TBC1D32: variants seen among roughly 807,000 people sequenced by gnomAD.
The protein encoded by TBC1D32 is TBC1 domain family member 32.
TBC1D32 carries 151 observed loss-of-function variants against 170.3 expected under a neutral mutation model. The observed-to-expected ratio is 0.89, with a 90% CI of 0.78 to 1.01. The LOEUF (loss-of-function observed/expected upper bound fraction) is 1.01, where lower values mean the gene tolerates loss of function less well. Among genes scored for constraint, TBC1D32 ranks in the 50% least tolerant of loss-of-function variants. The pLI, the probability that TBC1D32 is intolerant of heterozygous loss-of-function variation, is 0.00. For missense variants in TBC1D32, 1,464 were observed against 1,457.1 expected, an observed-to-expected ratio of 1.00 and a Z score of -0.08; for synonymous variants, 498 against 488.0, an observed-to-expected ratio of 1.02 and a Z score of -0.27.
At chr6:121,313,764 A>C (rs1808567049) in intron 3 of TBC1D32, among the ~76,000 whole-genome samples, 1 of 152,166 alleles carries the variant, frequency 6.6e-6, no homozygotes, top group African/African-American at 2.4e-5. Context: ...GCTGGGATGT[A>C]GCTAATCCTA....
intron 29 of TBC1D32, among the ~76,000 whole-genome samples, chr6:121,108,025 C>T (rs1778853127): frequency 6.6e-6 from 1 of 152,078 alleles, no homozygotes; most frequent in Non-Finnish European, 1.5e-5. Context: ...CCAAGCCTTG[C>T]ATAGAATAGA....
At chr6:121,123,433 T>C (rs1363909744) in intron 26 of TBC1D32, among the ~76,000 whole-genome samples, 1 of 152,110 alleles carries the variant, frequency 6.6e-6, no homozygotes, top group African/African-American at 2.4e-5. Flanking sequence ...GGTGCATGTA[T>C]ATTTATTACT....
At chr6:121,174,309 T>C (rs2128259125) in intron 22 of TBC1D32, among the ~76,000 whole-genome samples, 1 of 152,188 alleles carries the variant, frequency 6.6e-6, no homozygotes, top group Non-Finnish European at 1.5e-5. Flanking sequence ...ACTGAAATAA[T>C]CTAACATGAT....
intron 24 of TBC1D32, among the ~76,000 whole-genome samples, chr6:121,151,774 T>C (rs1784244028): frequency 6.6e-6 from 1 of 152,242 alleles, no homozygotes; most frequent in African/African-American, 2.4e-5. Flanking sequence ...ATTGTCTTTT[T>C]TGATCTTTGT....
chr6:121,245,744 C>G (rs534935411), intron 17 of TBC1D32, among the ~76,000 whole-genome samples: 1 of 152,132 alleles, frequency 6.6e-6, no homozygotes, highest in South Asian at 2.1e-4. Context: ...CTCCCCCCAT[C>G]CCCAGATTCA....
At chr6:121,126,511 T>A in intron 25 of TBC1D32, 50 bp from the exon 26 acceptor site, 1 of 1,315,216 alleles carries the variant, frequency 7.6e-7, no homozygotes, top group Non-Finnish European at 1.1e-6. Flanking sequence ...GAATAATATG[T>A]GACAATGCAT....
chr6:121,240,959 T>C (rs967338836), intron 19 of TBC1D32, among the ~76,000 whole-genome samples: 1 of 151,828 alleles, frequency 6.6e-6, no homozygotes, highest in Non-Finnish European at 1.5e-5. Context: ...GAAGAATATG[T>C]ACTTAACTGT....
At position 121,308,036 on chromosome 6, in the gene TBC1D32, A is replaced by G. The variant is rs199630893; in HGVS notation, c.630T>C (p.Asn210=). ...TCAGTTTTTCGCAGAGAGTAGTCCAATTTTCACAGTTGAGGACATCAGATG... is the reference window on the plus strand; with the variant it reads ...TCAGTTTTTCGCAGAGAGTAGTCCAGTTTTCACAGTTGAGGACATCAGATG... ...APPSDVLNCE[N]WTTLCEKLTV... Residue 210 remains asparagine, a synonymous_variant, in exon 5 of 32, where the codon AAT becomes AAC. Coordinates refer to ENST00000398212, the MANE Select transcript of TBC1D32 (RefSeq NM_152730.6). 6.0e-4 allele frequency: 961 copies of G among 1,613,850 alleles called. 18 individuals are homozygous for G. In the South Asian group the frequency reaches 9.4e-3, roughly 16 times the overall value.
Position 121,321,678 on chromosome 6 carries a change from T to G in TBC1D32, c.272A>C (p.Asp91Ala). The G allele has an allele frequency of 6.2e-7, 1 of 1,614,048 alleles. No individual in the cohort carries two copies. The change falls in exon 2 of 32, where the codon GAT becomes GCT. Residue 91 changes from aspartate to alanine, a missense_variant. Physicochemically the swap from Asp to Ala is moderately radical, Grantham distance 126. Around this residue, in one of 3 missense-constraint regions of TBC1D32, gnomAD observed 1,363 missense variants for 1,338.1 expected, o/e 1.02. Transcript: ENST00000398212. ...TTTAGTGACCTGCTGTACAACTGTA[T>G]CATAGCCGCATTCTTCACCCTGATT... is the stretch of plus-strand genomic sequence containing the variant. ...DRNQGEECGY[D>A]TVVQQVTKRT...
At chr6:121,115,378 T>A in intron 26 of TBC1D32, 137 bp from the exon 27 acceptor site, 1 of 547,014 alleles carries the variant, frequency 1.8e-6, no homozygotes. Flanking sequence ...TTTATTCTTT[T>A]AGGAACTGTC....
Position 121,321,828 on chromosome 6 carries a change from A to G in TBC1D32, c.156-34T>C, listed in dbSNP as rs768639800. On this transcript the variant is annotated intron_variant, in intron 1 of 31. Transcript: ENST00000398212. ...AATATTTAGAAAATAAATGCGGTAA[A>G]TATCATAAGCATATTCAGAAAAAAA... The G allele has an allele frequency of 2.5e-6, 4 of 1,579,308 alleles. No homozygotes were observed. The East Asian group carries it at 6.8e-5, about 27-fold the overall frequency.
chr6:121,082,882 TAA>T (rs1422687132), intron 31 of TBC1D32, among the ~76,000 whole-genome samples: 1 of 151,984 alleles, frequency 6.6e-6, no homozygotes, highest in Non-Finnish European at 1.5e-5. Flanking sequence ...TCTTATTTCA[TAA>T]GAGAAAAATT....
At chr6:121,175,348 T>C (rs777516214) in intron 22 of TBC1D32, among the ~76,000 whole-genome samples, 16 of 152,286 alleles carry the variant, frequency 1.1e-4, no homozygotes, top group Non-Finnish European at 2.1e-4. Flanking sequence ...AGTAAATACA[T>C]ACCTGGACTG....
intron 17 of TBC1D32, among the ~76,000 whole-genome samples, chr6:121,245,809 C>T (rs1044496234): frequency 6.6e-6 from 1 of 152,076 alleles, no homozygotes; most frequent in Non-Finnish European, 1.5e-5. Context: ...ATCAACATTC[C>T]CACAGATGAA....
chr6:121,226,176 T>C (rs916894627), intron 20 of TBC1D32, among the ~76,000 whole-genome samples: 1 of 152,102 alleles, frequency 6.6e-6, no homozygotes, highest in African/African-American at 2.4e-5. Flanking sequence ...TTGTGCCAAA[T>C]GCTAACGATA....
intron 15 of TBC1D32, among the ~76,000 whole-genome samples, chr6:121,274,291 C>A (rs960840581): frequency 1.3e-5 from 2 of 151,642 alleles, no homozygotes; most frequent in African/African-American, 4.8e-5. Context: ...CAAGATCATG[C>A]GACTGCACTC....
rs142018519 is a variant in TBC1D32 at position 121,194,928 on chromosome 6, T to C, written c.2570+10147A>G. 2.0e-4 allele frequency among the ~76,000 whole-genome samples: 30 copies of C among 152,274 alleles called. No individual in the cohort carries two copies. In the East Asian group the frequency reaches 5.8e-3, roughly 29 times the overall value. On this transcript the variant is annotated intron_variant, in intron 22 of 31. Coordinates refer to ENST00000398212, the MANE Select transcript of TBC1D32 (RefSeq NM_152730.6). ...TGTCTGCAAGAAGATGGGAAATAAA[T>C]CCAACTAAAATTCAGGGACCTTCCA...
At chr6:121,097,244 A>T (rs1777522472) in intron 30 of TBC1D32, among the ~76,000 whole-genome samples, 1 of 152,142 alleles carries the variant, frequency 6.6e-6, no homozygotes. Flanking sequence ...AGAAAATATC[A>T]TCAAAGTGAA....
At chr6:121,177,677 G>A (rs192136469) in intron 22 of TBC1D32, among the ~76,000 whole-genome samples, 3 of 152,180 alleles carry the variant, frequency 2.0e-5, no homozygotes, top group East Asian at 1.9e-4. Context: ...TTTGTTTCAT[G>A]TATAAAATTA....
Sources: gnomAD v4.1 joint callset for allele counts (sites outside exome capture counted in the v4.1 genomes callset) on GRCh38, gnomAD v4.1.1 for gene constraint, gnomAD v4.1.1 regional missense constraint, MANE v1.5 for transcripts, NCBI Gene and HGNC (gene_info 2026-07-23, HGNC 2026-07-21) for gene names.